Variants in KIAA0513 observed in about 807,000 individuals in gnomAD.
KIAA0513 encodes the protein uncharacterized protein KIAA0513.
Under a neutral mutation model 56.5 loss-of-function variants are expected in KIAA0513, and 39 were observed. That is an observed-to-expected ratio of 0.69 (90% CI 0.53 to 0.90). KIAA0513 has a LOEUF of 0.90. Among genes scored for constraint, KIAA0513 ranks in the 40% least tolerant of loss-of-function variants. The pLI, the probability that KIAA0513 is intolerant of heterozygous loss-of-function variation, is 0.00. For missense variants in KIAA0513, 591 were observed against 535.2 expected (o/e 1.10, Z -1.03); for synonymous variants, 268 against 215.6 (o/e 1.24, Z -2.13).
At chr16:85,065,665 C>T (rs2073470197) in intron 1 of KIAA0513, among the ~76,000 whole-genome samples, 1 of 152,198 alleles carries the variant, frequency 6.6e-6, no homozygotes, top group African/African-American at 2.4e-5. Flanking sequence ...TCAGCAGTTT[C>T]ACAGCCACCT....
intron 8 of KIAA0513, among the ~76,000 whole-genome samples, chr16:85,080,308 T>C (rs2073724277): frequency 6.6e-6 from 1 of 152,226 alleles, no homozygotes; most frequent in Non-Finnish European, 1.5e-5. Context: ...AGATAATAAA[T>C]ATGTTAGACT....
chr16:85,050,929 C>A (rs547704387), intron 1 of KIAA0513, among the ~76,000 whole-genome samples: 1 of 152,230 alleles, frequency 6.6e-6, no homozygotes, highest in African/African-American at 2.4e-5. Context: ...GCCAAGGCGG[C>A]AGGATCACTT....
intron 1 of KIAA0513, among the ~76,000 whole-genome samples, chr16:85,029,166 A>G (rs574632998): frequency 6.6e-6 from 1 of 152,234 alleles, no homozygotes; most frequent in African/African-American, 2.4e-5. Context: ...TTTGAAACAC[A>G]GGACGAAAGG....
rs539896704 is a variant in KIAA0513, at chr16:85,038,839, T to G, written c.-173+10981T>G. 2.2e-4 allele frequency among the ~76,000 whole-genome samples: 33 copies of G among 152,310 alleles called. No homozygotes were observed. The South Asian group carries it at 6.8e-3, about 32-fold the overall frequency. ...CTAATGAGGTAGTTACATTCTCTTTTCTGTCCAAAGTCTGAAGTCTGATGT... is the reference window on the plus strand; with the variant it reads ...CTAATGAGGTAGTTACATTCTCTTTGCTGTCCAAAGTCTGAAGTCTGATGT... On this transcript the variant is annotated intron_variant, in intron 1 of 12. Coordinates refer to ENST00000683363, the MANE Select transcript of KIAA0513 (RefSeq NM_001388359.1).
At chr16:85,065,521 C>G (rs2073467541) in intron 1 of KIAA0513, among the ~76,000 whole-genome samples, 1 of 152,354 alleles carries the variant, frequency 6.6e-6, no homozygotes, top group Non-Finnish European at 1.5e-5. Flanking sequence ...TTTTCTCTTT[C>G]TGACTCAGGG....
chr16:85,072,764 C>A, intron 3 of KIAA0513, 161 bp from the exon 4 acceptor site: 1 of 193,140 alleles, frequency 5.2e-6, no homozygotes, highest in South Asian at 1.8e-4. Context: ...CTGCCCGGGT[C>A]CTGGCAGAAG....
chr16:85,035,396 C>G (rs1267102807), intron 1 of KIAA0513, among the ~76,000 whole-genome samples: 6 of 152,222 alleles, frequency 3.9e-5, no homozygotes, highest in Non-Finnish European at 7.3e-5. Context: ...TGTGGGGACC[C>G]TCCTCTCCCA....
intron 1 of KIAA0513, among the ~76,000 whole-genome samples, chr16:85,050,805 C>T (rs1161631480): frequency 2.0e-5 from 3 of 152,208 alleles, no homozygotes; most frequent in Non-Finnish European, 4.4e-5. Context: ...ATCCCCTGCA[C>T]TGCCTGCCGT....
chr16:85,082,437 GT>G, intron 9 of KIAA0513, 126 bp from the exon 10 acceptor site: 1 of 855,626 alleles, frequency 1.2e-6, no homozygotes, highest in Non-Finnish European at 1.9e-6. Context: ...GAATATTCCT[GT>G]CTTTCTCTGT....
rs1179271510 is a variant in KIAA0513 at position 85,081,307 on chromosome 16, T to C, written c.903-8T>C. On this transcript the variant is annotated splice_polypyrimidine_tract_variant and splice_region_variant and intron_variant, in intron 8 of 12. Coordinates refer to ENST00000683363, the MANE Select transcript of KIAA0513 (RefSeq NM_001388359.1). The surrounding 1 kb of genome is among the most constrained non-coding windows in gnomAD (Gnocchi z 4.4). ...TGGAGAGAGTGTGACTGGGGCTCTG[T>C]CTTGCAGGCACACTCTGAGGTTCTG... is the stretch of plus-strand genomic sequence containing the variant. 1 of 1,613,026 alleles carries C rather than the reference T, an allele frequency of 6.2e-7. No homozygotes were observed. Among genetic ancestry groups the C allele is most frequent in the South Asian group, 1.1e-5 (1 of 90,822 alleles).
At position 85,080,007 on chromosome 16, in the gene KIAA0513, C is replaced by T. The variant is rs567770234; in HGVS notation, c.902+1004C>T. Among the ~76,000 whole-genome samples the T allele has an allele frequency of 3.3e-5, 5 of 152,334 alleles. No homozygotes were observed. The East Asian group carries it at 7.7e-4, about 24-fold the overall frequency. On this transcript the variant is annotated intron_variant, in intron 8 of 12. Coordinates refer to ENST00000683363, the MANE Select transcript of KIAA0513 (RefSeq NM_001388359.1). ...ATCAGTGTCAGACGGGCCCTCCCTCCCCTGAAGATCACAGTTGGCTGTGGT... is the reference window on the plus strand; with the variant it reads ...ATCAGTGTCAGACGGGCCCTCCCTCTCCTGAAGATCACAGTTGGCTGTGGT...
chr16:85,047,566 T>C (rs6564099), intron 1 of KIAA0513, among the ~76,000 whole-genome samples: 86,769 of 152,058 alleles, frequency 0.57, 27,371 homozygotes, highest in African/African-American at 0.85. Context: ...AAGGAAGGTT[T>C]CCTCAGAGCT....
At chr16:85,074,860 TTTTC>T (rs1399485831) in intron 4 of KIAA0513, among the ~76,000 whole-genome samples, 5 of 152,144 alleles carry the variant, frequency 3.3e-5, no homozygotes, top group Non-Finnish European at 5.9e-5. Context: ...TAATTCTCCA[TTTTC>T]TTTCTTTCTT....
intron 4 of KIAA0513, among the ~76,000 whole-genome samples, chr16:85,073,375 T>A (rs1383186017): frequency 6.6e-6 from 1 of 152,166 alleles, no homozygotes; most frequent in Non-Finnish European, 1.5e-5. Flanking sequence ...CACTAGCATA[T>A]AAACACTTAA....
chr16:85,054,992 G>A (rs1279712070), intron 1 of KIAA0513, among the ~76,000 whole-genome samples: 1 of 151,618 alleles, frequency 6.6e-6, no homozygotes, highest in South Asian at 2.1e-4. Context: ...GTACAATCTC[G>A]GTTTACTGCA....
intron 7 of KIAA0513, 104 bp from the exon 8 acceptor site, chr16:85,078,821 T>G: frequency 8.0e-7 from 1 of 1,248,662 alleles, no homozygotes; most frequent in Non-Finnish European, 1.2e-6. Context: ...CGTGTTTCAG[T>G]GACATTCGGG....
At chr16:85,035,970 C>T (rs972335510) in intron 1 of KIAA0513, among the ~76,000 whole-genome samples, 1 of 145,922 alleles carries the variant, frequency 6.9e-6, no homozygotes, top group Non-Finnish European at 1.5e-5. Context: ...CAGAGCGAGA[C>T]TCCGTCCCAA....
chr16:85,071,677 C>A (rs992114753), intron 2 of KIAA0513, 106 bp from the exon 3 acceptor site: 3 of 916,590 alleles, frequency 3.3e-6, no homozygotes, highest in South Asian at 1.7e-5. Context: ...CTGTGCTTGG[C>A]TGGGGAATAT....
intron 6 of KIAA0513, among the ~76,000 whole-genome samples, chr16:85,077,915 C>A (rs1213770932): frequency 6.6e-6 from 1 of 152,226 alleles, no homozygotes; most frequent in Non-Finnish European, 1.5e-5. Flanking sequence ...CTTCTGTCTC[C>A]TCTGTCCCCT....
Sources: gnomAD v4.1 joint callset for allele counts (sites outside exome capture counted in the v4.1 genomes callset) on GRCh38, gnomAD v4.1.1 for gene constraint, Gnocchi (gnomAD v3.1) non-coding constraint, MANE v1.5 for transcripts, NCBI Gene and HGNC (gene_info 2026-07-23, HGNC 2026-07-21) for gene names.